GRIA4: variants seen among roughly 807,000 people sequenced by gnomAD.
GRIA4 encodes the protein glutamate receptor 4.
GRIA4 carries 34 observed loss-of-function variants against 104.0 expected under a neutral mutation model. The ratio of observed to expected loss-of-function variants is 0.33; its 90% CI spans 0.25 to 0.44. The LOEUF is 0.44. Among genes scored for constraint, GRIA4 ranks in the 20% least tolerant of loss-of-function variants. The pLI, the probability that GRIA4 is intolerant of heterozygous loss-of-function variation, is 1.00. For synonymous variants in GRIA4, 386 were observed against 381.9 expected (o/e 1.01, Z -0.13); for missense variants, 750 against 1,096.5 (o/e 0.68, Z 4.46).
chr11:105,931,859 C>T (rs368693019), intron 13 of GRIA4, among the ~76,000 whole-genome samples: 12 of 152,198 alleles, frequency 7.9e-5, no homozygotes, highest in African/African-American at 2.9e-4. Flanking sequence ...CACTTTTATT[C>T]ATTTATTTCT....
Position 105,887,574 on chromosome 11 carries a change from TA to T in GRIA4, c.726+4del. 1.5e-6 allele frequency: 2 copies of T among 1,322,244 alleles called. No homozygotes were observed. Among genetic ancestry groups the T allele is most frequent in the Non-Finnish European group, 2.2e-6 (2 of 924,240 alleles). The allele number at this position is 1,322,244 out of a possible 1,614,324, so 81.9% of individuals were successfully genotyped here. A position where few individuals can be genotyped will look rare whatever the true frequency, so the allele number is the denominator to read the frequency against. ...TACCATTATATCATTGCAAACTTGG[TA>T]AGAACTTCTTATTTTCTACTTTTCA... On this transcript the variant is annotated splice_donor_region_variant and intron_variant, in intron 6 of 16. Transcript: ENST00000282499.
chr11:105,841,675 T>G (rs909052861), intron 4 of GRIA4, among the ~76,000 whole-genome samples: 12 of 152,210 alleles, frequency 7.9e-5, no homozygotes, highest in Admixed American at 3.3e-4. Context: ...TCATCCTGAC[T>G]TGTTAAAATA....
chr11:105,701,407 G>A (rs886968488), intron 3 of GRIA4, among the ~76,000 whole-genome samples: 8 of 152,276 alleles, frequency 5.3e-5, no homozygotes, highest in South Asian at 2.1e-4. Flanking sequence ...CTACTTGGAA[G>A]TTACTTTTGG....
At chr11:105,855,663 C>T (rs1268948906) in intron 4 of GRIA4, among the ~76,000 whole-genome samples, 1 of 151,992 alleles carries the variant, frequency 6.6e-6, no homozygotes, top group Non-Finnish European at 1.5e-5. Context: ...AACACATTGC[C>T]TTTATTGTAA....
intron 10 of GRIA4, chr11:105,912,150 T>C (rs1226192446): frequency 1.9e-6 from 2 of 1,039,852 alleles, no homozygotes. Context: ...TTAGCGATTC[T>C]GACATATCAA....
chr11:105,940,615 C>T (rs765868718), intron 14 of GRIA4, among the ~76,000 whole-genome samples: 3 of 152,016 alleles, frequency 2.0e-5, no homozygotes, highest in Non-Finnish European at 2.9e-5. Context: ...GTATATGATG[C>T]TGCTTTAATG....
At chr11:105,974,766 G>A (rs1858891540) in intron 16 of GRIA4, 1 of 479,662 alleles carries the variant, frequency 2.1e-6, no homozygotes, top group Non-Finnish European at 3.8e-6. Context: ...GCAAGGGTCA[G>A]AAAGATAAAA....
In GRIA4 at chr11:105,959,896, A is replaced by G. The variant is rs549643387; in HGVS notation, c.2295-12018A>G. On this transcript the variant is annotated intron_variant, in intron 14 of 16. Transcript: ENST00000282499. ...CTGTAGGGCTGCTGCAGTTTGCTGG[A>G]GATTTACTTTAGGCCCTATTCATCT... is the stretch of plus-strand genomic sequence containing the variant. Among the ~76,000 whole-genome samples, 6 of 152,200 alleles carry G rather than the reference A, an allele frequency of 3.9e-5. No individual in the cohort carries two copies. The East Asian group carries it at 1.2e-3, about 30-fold the overall frequency.
intron 1 of GRIA4, 110 bp from the exon 2 acceptor site, chr11:105,610,798 G>A (rs1015051770): frequency 3.7e-6 from 2 of 541,496 alleles, no homozygotes; most frequent in Non-Finnish European, 6.6e-6. Context: ...GCGATGGATT[G>A]CTAAGGAGAA....
intron 3 of GRIA4, among the ~76,000 whole-genome samples, chr11:105,660,311 C>T (rs1473627712): frequency 6.6e-6 from 1 of 151,544 alleles, no homozygotes; most frequent in East Asian, 1.9e-4. Flanking sequence ...TAGTTATCTA[C>T]AAAGAATGAG....
At chr11:105,843,084 G>A (rs939121844) in intron 4 of GRIA4, among the ~76,000 whole-genome samples, 2 of 152,320 alleles carry the variant, frequency 1.3e-5, no homozygotes, top group Admixed American at 6.5e-5. Context: ...CCTCAGAGCC[G>A]TGAAAGCAGT....
intron 5 of GRIA4, among the ~76,000 whole-genome samples, chr11:105,875,313 T>C (rs997451207): frequency 3.3e-5 from 5 of 152,214 alleles, no homozygotes; most frequent in Admixed American, 3.3e-4. Context: ...GGATTCGGAT[T>C]GCCAGTATTT....
chr11:105,748,321 G>T (rs1474086223), intron 3 of GRIA4, among the ~76,000 whole-genome samples: 1 of 152,172 alleles, frequency 6.6e-6, no homozygotes, highest in African/African-American at 2.4e-5. Flanking sequence ...TGAGTAAAAA[G>T]GTTGTCTATC....
chr11:105,879,582 A>T (rs1435487664), intron 5 of GRIA4, among the ~76,000 whole-genome samples: 1 of 152,186 alleles, frequency 6.6e-6, no homozygotes, highest in Non-Finnish European at 1.5e-5. Context: ...CCAGACTAGG[A>T]TGCATTAAAG....
intron 4 of GRIA4, among the ~76,000 whole-genome samples, chr11:105,805,755 A>C (rs1032278804): frequency 9.2e-5 from 14 of 151,880 alleles, no homozygotes; most frequent in African/African-American, 3.4e-4. Flanking sequence ...TTTAGTAAGG[A>C]TTTATGAAAT....
At chr11:105,689,922 G>A (rs1460238358) in intron 3 of GRIA4, among the ~76,000 whole-genome samples, 1 of 152,168 alleles carries the variant, frequency 6.6e-6, no homozygotes, top group Non-Finnish European at 1.5e-5. Context: ...TTACTTTGAA[G>A]CTTAGTCCAT....
At chr11:105,839,280 C>T (rs757161579) in intron 4 of GRIA4, among the ~76,000 whole-genome samples, 2 of 152,118 alleles carry the variant, frequency 1.3e-5, no homozygotes, top group Non-Finnish European at 2.9e-5. Context: ...GAGTAGGATA[C>T]CTGCCTCCTT....
chr11:105,802,756 T>C (rs1158391324), intron 4 of GRIA4, among the ~76,000 whole-genome samples: 1 of 143,270 alleles, frequency 7.0e-6, no homozygotes, highest in Non-Finnish European at 1.5e-5. Flanking sequence ...AGGTAGTTAA[T>C]TACAAAGATT....
rs539798507 is a variant in GRIA4, at chr11:105,690,162, C to T, written c.248-62819C>T. Among the ~76,000 whole-genome samples, 8 of 152,212 alleles carry T rather than the reference C, an allele frequency of 5.3e-5. No individual in the cohort carries two copies. The South Asian group carries it at 1.5e-3, about 28-fold the overall frequency. On this transcript the variant is annotated intron_variant, in intron 3 of 16. Transcript: ENST00000282499. Reference sequence around the variant, plus strand: ...TGAGAGAGTGAGAAGAAATGCAATGCCTTCCCCCTTCTTGATGCTGTAACT... The same window carrying T: ...TGAGAGAGTGAGAAGAAATGCAATGTCTTCCCCCTTCTTGATGCTGTAACT...
Sources: allele counts gnomAD v4.1 joint callset (sites outside exome capture counted in the v4.1 genomes callset), GRCh38; gene constraint gnomAD v4.1.1; transcripts MANE v1.5; gene names NCBI Gene and HGNC (gene_info 2026-07-23, HGNC 2026-07-21).